Variants in PLA2G4A observed in about 807,000 individuals in gnomAD.
PLA2G4A encodes cytosolic phospholipase A2.
In PLA2G4A, 40 loss-of-function variants were observed where a neutral mutation model predicts 81.9. The ratio of observed to expected loss-of-function variants is 0.49; its 90% CI spans 0.38 to 0.64. The LOEUF is 0.64. Ranked by LOEUF, PLA2G4A falls within the 30% of genes least tolerant of loss-of-function variation. The probability of loss-of-function intolerance (pLI) is 0.00; values close to 1 mark genes in which losing one functional copy is unlikely to be tolerated. For synonymous variants in PLA2G4A, 302 were observed against 296.9 expected (o/e 1.02, Z -0.18); for missense variants, 715 against 905.1 (o/e 0.79, Z 2.69).
intron 13 of PLA2G4A, among the ~76,000 whole-genome samples, chr1:186,955,520 G>T (rs906871799): frequency 3.3e-5 from 5 of 151,884 alleles, no homozygotes; most frequent in African/African-American, 1.2e-4. Context: ...AAGGGAAGGG[G>T]GAACATGAAA....
intron 15 of PLA2G4A, among the ~76,000 whole-genome samples, chr1:186,966,233 G>C (rs910330445): frequency 1.3e-5 from 2 of 151,944 alleles, no homozygotes; most frequent in Non-Finnish European, 2.9e-5. Flanking sequence ...GGTGGTTGGG[G>C]GTGGGTTAAT....
chr1:186,863,777 T>TTGG (rs759104881), intron 2 of PLA2G4A, among the ~76,000 whole-genome samples: 12 of 148,328 alleles, frequency 8.1e-5, no homozygotes, highest in African/African-American at 3.0e-4. Context: ...TTTTTTTTTT[T>TTGG]GGGGACAGAG....
At position 186,840,122 on chromosome 1, in the gene PLA2G4A, G is replaced by A. The variant is rs1019899874; in HGVS notation, c.-70+11087G>A. Among the ~76,000 whole-genome samples, 11 of 151,618 alleles carry A rather than the reference G, an allele frequency of 7.3e-5. No homozygotes were observed. The East Asian group carries it at 1.2e-3, about 16-fold the overall frequency. The stretch of plus-strand genomic sequence containing the variant: ...ATCCCCTGAGTAGGTGGGATTACAG[G>A]TGCCCACCACCATGCCTGGGCAGTA... On this transcript the variant is annotated intron_variant, in intron 1 of 17. Transcript: ENST00000367466.
chr1:186,873,127 T>C (rs1441771800), intron 3 of PLA2G4A, among the ~76,000 whole-genome samples: 3 of 149,820 alleles, frequency 2.0e-5, no homozygotes, highest in Non-Finnish European at 3.0e-5. Context: ...GAAATAAATA[T>C]AGTGATAAAG....
intron 2 of PLA2G4A, among the ~76,000 whole-genome samples, chr1:186,866,133 C>T (rs1266243996): frequency 6.6e-6 from 1 of 152,088 alleles, no homozygotes; most frequent in Non-Finnish European, 1.5e-5. Flanking sequence ...TGGCACTATC[C>T]GTGAGATATA....
chr1:186,954,718 C>T (rs899886743), intron 13 of PLA2G4A, among the ~76,000 whole-genome samples: 13 of 152,052 alleles, frequency 8.5e-5, no homozygotes, highest in South Asian at 2.1e-4. Flanking sequence ...CACATACACA[C>T]ACAGTTTTAT....
At position 186,861,589 on chromosome 1, in the gene PLA2G4A, A is replaced by G. The variant is rs576932583; in HGVS notation, c.33+7202A>G. Among the ~76,000 whole-genome samples, 178 of 152,276 alleles carry G rather than the reference A, an allele frequency of 1.2e-3. 1 individual carries two copies. The highest frequency in any genetic ancestry group is 4.2e-3 in the African/African-American group (174 of 41,560). On this transcript the variant is annotated intron_variant, in intron 2 of 17. Coordinates refer to ENST00000367466, the MANE Select transcript of PLA2G4A (RefSeq NM_024420.3). The stretch of plus-strand genomic sequence containing the variant: ...TTATCATGAGTGGAATTCCCTCATT[A>G]CTTCTTTCACAGTCAGTCAGTAGTG...
intron 13 of PLA2G4A, among the ~76,000 whole-genome samples, chr1:186,952,721 C>T (rs1571436665): frequency 7.4e-6 from 1 of 135,958 alleles, no homozygotes; most frequent in East Asian, 2.3e-4. Flanking sequence ...GTCCCCTCCT[C>T]CCCCAACCCC....
intron 5 of PLA2G4A, among the ~76,000 whole-genome samples, chr1:186,905,597 T>C (rs1364399513): frequency 2.6e-5 from 4 of 152,174 alleles, no homozygotes; most frequent in Non-Finnish European, 5.9e-5. Flanking sequence ...GAATTCTATA[T>C]ATAGGAACTG....
At chr1:186,935,726 C>G (rs890122787) in intron 8 of PLA2G4A, among the ~76,000 whole-genome samples, 1 of 151,742 alleles carries the variant, frequency 6.6e-6, no homozygotes, top group Non-Finnish European at 1.5e-5. Flanking sequence ...GGAAGGAATT[C>G]GGAAAGTCTT....
intron 5 of PLA2G4A, among the ~76,000 whole-genome samples, chr1:186,906,105 A>T (rs573587823): frequency 1.3e-5 from 2 of 152,318 alleles, no homozygotes; most frequent in Admixed American, 1.3e-4. Flanking sequence ...TCTTATGGTA[A>T]CCTGATACAA....
At chr1:186,971,642 G>A (rs1041835495) in intron 15 of PLA2G4A, among the ~76,000 whole-genome samples, 2 of 151,954 alleles carry the variant, frequency 1.3e-5, no homozygotes, top group Non-Finnish European at 2.9e-5. Context: ...AATATTAAAA[G>A]TACCTTAAAC....
At chr1:186,949,390 A>G in intron 12 of PLA2G4A, among the ~76,000 whole-genome samples, 3 of 38,154 alleles carry the variant, frequency 7.9e-5, no homozygotes, top group Non-Finnish European at 1.3e-4. Flanking sequence ...AAAGAAAGAA[A>G]AAAGAAAAAG....
chr1:186,836,652 G>A (rs917031904), intron 1 of PLA2G4A, among the ~76,000 whole-genome samples: 4 of 152,136 alleles, frequency 2.6e-5, no homozygotes, highest in African/African-American at 9.7e-5. Context: ...AGATGTTAAT[G>A]TCAATCAGGA....
chr1:186,943,532 T>G (rs773245112), intron 10 of PLA2G4A, among the ~76,000 whole-genome samples: 2 of 152,150 alleles, frequency 1.3e-5, no homozygotes, highest in African/African-American at 2.4e-5. Flanking sequence ...AGACCTGACA[T>G]AAGTGTGTAG....
intron 13 of PLA2G4A, among the ~76,000 whole-genome samples, chr1:186,954,028 A>C (rs1656656887): frequency 6.6e-6 from 1 of 152,232 alleles, no homozygotes; most frequent in Non-Finnish European, 1.5e-5. Context: ...GTGACTATAT[A>C]GTCATCTGGA....
At chr1:186,870,880 C>G (rs959487139) in intron 3 of PLA2G4A, 1 of 515,146 alleles carries the variant, frequency 1.9e-6, no homozygotes, top group South Asian at 1.8e-5. Context: ...TGAACGATAA[C>G]ATTTCGAACA....
chr1:186,832,078 A>G (rs1209331216), intron 1 of PLA2G4A, among the ~76,000 whole-genome samples: 1 of 152,108 alleles, frequency 6.6e-6, no homozygotes, highest in African/African-American at 2.4e-5. Flanking sequence ...TTCTTACTAT[A>G]TGAAATTTTT....
chr1:186,950,210 G>T (rs1571433956), intron 12 of PLA2G4A, among the ~76,000 whole-genome samples: 1 of 152,248 alleles, frequency 6.6e-6, no homozygotes, highest in Non-Finnish European at 1.5e-5. Flanking sequence ...AAAGTCAAAA[G>T]ATAATTTATG....
Sources: allele counts gnomAD v4.1 joint callset (sites outside exome capture counted in the v4.1 genomes callset), GRCh38; gene constraint gnomAD v4.1.1; transcripts MANE v1.5; gene names NCBI Gene and HGNC (gene_info 2026-07-23, HGNC 2026-07-21).